DESI2: variants seen among roughly 807,000 people sequenced by gnomAD.
The protein encoded by DESI2 is deubiquitinase DESI2.
Under a neutral mutation model 24.1 loss-of-function variants are expected in DESI2, and 10 were observed. The observed-to-expected ratio is 0.41, with a 90% CI of 0.26 to 0.70. DESI2 has a LOEUF of 0.70. Among genes scored for constraint, DESI2 ranks in the 30% least tolerant of loss-of-function variants. The pLI, the probability that DESI2 is intolerant of heterozygous loss-of-function variation, is 0.29. For synonymous variants in DESI2, 71 were observed against 87.7 expected (o/e 0.81, Z 1.06); for missense variants, 122 against 234.9 (o/e 0.52, Z 3.14).
Position 244,681,826 on chromosome 1 carries a change from T to G in DESI2, c.43-4771T>G, listed in dbSNP as rs140476252. Reference sequence around the variant, plus strand: ...TTTGATACACAACTAGGTTCATTTGTTTTTGTTTGACTTCGGTTTTGAGGT... The same window carrying G: ...TTTGATACACAACTAGGTTCATTTGGTTTTGTTTGACTTCGGTTTTGAGGT... On this transcript the variant is annotated intron_variant, in intron 1 of 4. Coordinates refer to ENST00000302550, the MANE Select transcript of DESI2 (RefSeq NM_016076.5). Among the ~76,000 whole-genome samples the G allele has an allele frequency of 1.7e-3, 264 of 152,346 alleles. 2 individuals are homozygous for G. The highest frequency in any genetic ancestry group is 6.2e-3 in the African/African-American group (258 of 41,580).
chr1:244,692,792 C>CA (rs1573221162), intron 4 of DESI2, among the ~76,000 whole-genome samples: 1 of 152,162 alleles, frequency 6.6e-6, no homozygotes, highest in East Asian at 1.9e-4. Flanking sequence ...CCATGCTACT[C>CA]AAAGTGTGTT....
intron 2 of DESI2, among the ~76,000 whole-genome samples, chr1:244,687,684 T>TA (rs1245984787): frequency 6.6e-6 from 1 of 152,228 alleles, no homozygotes; most frequent in African/African-American, 2.4e-5. Context: ...ATGTTGGCTA[T>TA]AAAAATCTGC....
chr1:244,692,047 C>G, intron 4 of DESI2, 27 bp downstream of exon 4: 3 of 1,559,436 alleles, frequency 1.9e-6, no homozygotes, highest in Non-Finnish European at 2.6e-6. Flanking sequence ...CCTAAAAGTT[C>G]TTCAAATAAA....
At chr1:244,697,650 C>G (rs1677273672) in intron 4 of DESI2, among the ~76,000 whole-genome samples, 1 of 152,042 alleles carries the variant, frequency 6.6e-6, no homozygotes, top group African/African-American at 2.4e-5. Flanking sequence ...AGATCCAACT[C>G]CAGGAGAACT....
intron 1 of DESI2, among the ~76,000 whole-genome samples, chr1:244,666,292 AT>A (rs1469817720): frequency 6.6e-6 from 1 of 152,146 alleles, no homozygotes; most frequent in Admixed American, 6.5e-5. Context: ...CCATGTCTCT[AT>A]CTGAGATGAA....
chr1:244,668,608 C>T (rs1286451273), intron 1 of DESI2, among the ~76,000 whole-genome samples: 1 of 152,070 alleles, frequency 6.6e-6, no homozygotes, highest in Non-Finnish European at 1.5e-5. Flanking sequence ...AAGTCAGGCC[C>T]AGGCCCTAAG....
chr1:244,691,808 G>T, intron 3 of DESI2, 71 bp from the exon 4 acceptor site: 1 of 1,221,488 alleles, frequency 8.2e-7, no homozygotes, highest in Non-Finnish European at 1.1e-6. Flanking sequence ...ATTTAAACAT[G>T]CTTTTTATAA....
rs1558139991 is a variant in DESI2 at position 244,705,785 on chromosome 1, T to C, written c.581T>C (p.Leu194Pro). ...AGSRPGRHTK[L>P] The stretch of plus-strand genomic sequence containing the variant: ...TCCAGACCCGGGCGCCACACTAAAC[T>C]ATAAATGTCTCCAAAGTCACACATT... Residue 194 changes from leucine (L) to proline (P), a missense_variant, in exon 5 of 5, where the codon CTA becomes CCA. Around this residue, in one of 6 missense-constraint regions of DESI2, gnomAD observed 56 missense variants for 67.9 expected, o/e 0.82. Coordinates refer to ENST00000302550, the MANE Select transcript of DESI2 (RefSeq NM_016076.5). The C allele has an allele frequency of 3.7e-6, 6 of 1,605,890 alleles. No individual in the cohort carries two copies. Among genetic ancestry groups the C allele is most frequent in the Admixed American group, 1.7e-5 (1 of 59,912 alleles).
At chr1:244,675,651 T>C (rs1676390892) in intron 1 of DESI2, among the ~76,000 whole-genome samples, 1 of 152,366 alleles carries the variant, frequency 6.6e-6, no homozygotes, top group African/African-American at 2.4e-5. Flanking sequence ...TCTATCTTTA[T>C]GCCAGTAATA....
At chr1:244,680,796 T>A (rs1162747103) in intron 1 of DESI2, among the ~76,000 whole-genome samples, 3 of 152,178 alleles carry the variant, frequency 2.0e-5, no homozygotes, top group Non-Finnish European at 4.4e-5. Context: ...TGTATATCAT[T>A]CTTAAACAGC....
rs886694371 is a variant in DESI2 at position 244,653,245 on chromosome 1, G to T, written c.-69G>T. 7.0e-7 allele frequency: 1 copy of T among 1,430,992 alleles called. No individual in the cohort carries two copies. Among genetic ancestry groups the T allele is most frequent in the Non-Finnish European group, 9.2e-7 (1 of 1,088,856 alleles). The allele number at this position is 1,430,992 out of a possible 1,614,324, so 88.6% of individuals were successfully genotyped here. A position where few individuals can be genotyped will look rare whatever the true frequency, so the allele number is the denominator to read the frequency against. ...CAGGCCCCCTGAAGCGCCCGCGGGGGTGAGAGCGGCCTCCGGCCCCGCGGA... is the reference window on the plus strand; with the variant it reads ...CAGGCCCCCTGAAGCGCCCGCGGGGTTGAGAGCGGCCTCCGGCCCCGCGGA... On this transcript the variant is annotated 5_prime_UTR_variant, in exon 1 of 5. Transcript: ENST00000302550.
In DESI2 at chr1:244,706,791, A is replaced by G. The variant is rs531069062; in HGVS notation, c.*1002A>G. Reference sequence around the variant, plus strand: ...AGTTCTTTGATATTTTATACTTTTTATGTACCATGTCAGAAAGAGTATGTT... The same window carrying G: ...AGTTCTTTGATATTTTATACTTTTTGTGTACCATGTCAGAAAGAGTATGTT... On this transcript the variant is annotated 3_prime_UTR_variant, in exon 5 of 5. Coordinates refer to ENST00000302550, the MANE Select transcript of DESI2 (RefSeq NM_016076.5). 6.5e-6 allele frequency: 1 copy of G among 152,734 alleles called. No homozygotes were observed. The highest frequency in any genetic ancestry group is 2.4e-5 in the African/African-American group (1 of 41,586). The allele number at this position is 152,734 out of a possible 1,614,324, so 9.5% of individuals were successfully genotyped here.
chr1:244,653,196 G>A lies in DESI2; in HGVS notation c.-118G>A. 3 of 1,084,250 alleles carry A rather than the reference G, an allele frequency of 2.8e-6. No individual in the cohort carries two copies. The highest frequency in any genetic ancestry group is 3.0e-5 in the East Asian group (1 of 33,696). The allele number at this position is 1,084,250 out of a possible 1,614,324, so 67.2% of individuals were successfully genotyped here. A position where few individuals can be genotyped will look rare whatever the true frequency, so the allele number is the denominator to read the frequency against. On this transcript the variant is annotated 5_prime_UTR_variant, in exon 1 of 5. Transcript: ENST00000302550. ...GCTTCCGCCCCGGCTGCCGCGGGCC[G>A]GGCTGTACGCTTAGTGCCCGGCTCA...
intron 1 of DESI2, among the ~76,000 whole-genome samples, chr1:244,657,406 GC>G (rs1445457500): frequency 6.6e-6 from 1 of 152,064 alleles, no homozygotes; most frequent in Non-Finnish European, 1.5e-5. Flanking sequence ...TCTTCCTCTT[GC>G]CCCATGCCAC....
intron 1 of DESI2, among the ~76,000 whole-genome samples, chr1:244,658,256 C>T (rs112766921): frequency 1.3e-5 from 2 of 152,152 alleles, no homozygotes; most frequent in African/African-American, 4.8e-5. Flanking sequence ...CCCTGGCTGA[C>T]AGTTAAAGGT....
chr1:244,698,348 C>G (rs77983426), intron 4 of DESI2, among the ~76,000 whole-genome samples: 1 of 152,168 alleles, frequency 6.6e-6, no homozygotes, highest in Non-Finnish European at 1.5e-5. Flanking sequence ...GGAAGACATA[C>G]ACTTCTAAAC....
rs981813653 is a variant in DESI2, at chr1:244,689,129, T to C, written c.116-120T>C. ...CTAAGTGAGATATTTGTGAAAGCAT[T>C]TTATAAACTGAAAAATATTTAGATG... is the stretch of plus-strand genomic sequence containing the variant. On this transcript the variant is annotated intron_variant, in intron 2 of 4. Transcript: ENST00000302550. The surrounding 1 kb of genome is among the most constrained non-coding windows in gnomAD (Gnocchi z 4.0). 7 of 644,242 alleles carry C rather than the reference T, an allele frequency of 1.1e-5. No homozygotes were observed. The highest frequency in any genetic ancestry group is 2.0e-5 in the Non-Finnish European group (7 of 358,072). 39.9% of individuals were successfully genotyped at this position (644,242 alleles called of 1,614,324 possible). A position where few individuals can be genotyped will look rare whatever the true frequency, so the allele number is the denominator to read the frequency against.
At chr1:244,655,990 T>C (rs1675634444) in intron 1 of DESI2, among the ~76,000 whole-genome samples, 1 of 152,224 alleles carries the variant, frequency 6.6e-6, no homozygotes, top group Admixed American at 6.5e-5. Context: ...ATACAAATTT[T>C]GGTCTGTTAT....
At chr1:244,684,285 T>G (rs1676735667) in intron 1 of DESI2, among the ~76,000 whole-genome samples, 1 of 152,176 alleles carries the variant, frequency 6.6e-6, no homozygotes, top group Admixed American at 6.5e-5. Flanking sequence ...TTTATCAAAT[T>G]TAGAAGAACA....
Sources: gnomAD v4.1 joint callset for allele counts (sites outside exome capture counted in the v4.1 genomes callset) on GRCh38, gnomAD v4.1.1 for gene constraint, gnomAD v4.1.1 regional missense constraint, Gnocchi (gnomAD v3.1) non-coding constraint, MANE v1.5 for transcripts, NCBI Gene and HGNC (gene_info 2026-07-23, HGNC 2026-07-21) for gene names.